The following L3MBTL4 variants were observed in gnomAD, a reference collection of about 807,000 sequenced individuals.
L3MBTL4 encodes the protein L3MBTL histone methyl-lysine binding protein 4, also known as lethal(3)malignant brain tumor-like protein 4.
Under a neutral mutation model 84.5 loss-of-function variants are expected in L3MBTL4, and 70 were observed. The ratio of observed to expected loss-of-function variants is 0.83; its 90% CI spans 0.68 to 1.01. The LOEUF (loss-of-function observed/expected upper bound fraction) is 1.01. Ranked by LOEUF, L3MBTL4 falls within the 50% of genes least tolerant of loss-of-function variation. The pLI is 0.00. For missense variants in L3MBTL4, 715 were observed against 754.8 expected, an observed-to-expected ratio of 0.95 and a Z score of 0.62; for synonymous variants, 274 against 259.8, an observed-to-expected ratio of 1.05 and a Z score of -0.52.
chr18:6,414,885 C>T lies in L3MBTL4; in HGVS notation c.-175G>A, dbSNP rs1391620990. On this transcript the variant is annotated 5_prime_UTR_variant, in exon 1 of 19. Coordinates refer to ENST00000317931, the MANE Select transcript of L3MBTL4 (RefSeq NM_001330559.2). This position sits in a 1 kb window ranked among gnomAD's most constrained non-coding sequence, Gnocchi z 5.4. The stretch of plus-strand genomic sequence containing the variant: ...GAGCGCGAGGTTCCGCCAGCCCAGG[C>T]TGCGGCGCCGCTGCCCCGCGGTGCC... The T allele has an allele frequency of 6.7e-6, 1 of 149,540 alleles. No individual in the cohort carries two copies. Among genetic ancestry groups the T allele is most frequent in the Non-Finnish European group, 1.5e-5 (1 of 67,110 alleles). The allele number at this position is 149,540 out of a possible 1,614,324, so 9.3% of individuals were successfully genotyped here. A position where few individuals can be genotyped will look rare whatever the true frequency, so the allele number is the denominator to read the frequency against.
chr18:6,248,695 C>A (rs2047792508), intron 5 of L3MBTL4, among the ~76,000 whole-genome samples: 2 of 152,192 alleles, frequency 1.3e-5, no homozygotes, highest in African/African-American at 4.8e-5. Flanking sequence ...GCATACTATA[C>A]ATGCTCTTTT....
intron 16 of L3MBTL4, 63 bp from the exon 17 acceptor site, chr18:5,969,625 C>T (rs2052536270): frequency 6.6e-7 from 1 of 1,516,576 alleles, no homozygotes; most frequent in Admixed American, 2.0e-5. Flanking sequence ...GCTGTGTCAG[C>T]CCCGCAGTCC....
chr18:6,213,583 T>G (rs2046203454), intron 11 of L3MBTL4, among the ~76,000 whole-genome samples: 1 of 152,158 alleles, frequency 6.6e-6, no homozygotes, highest in South Asian at 2.1e-4. Context: ...CAGCTAATTT[T>G]GTGTTATAAG....
rs536011731 is a variant in L3MBTL4 at position 6,145,372 on chromosome 18, A to G, written c.1097-7076T>C. On this transcript the variant is annotated intron_variant, in intron 13 of 18. Transcript: ENST00000317931. ...ACTCTCTTCTCAGAACTGTAATTTT[A>G]TTTGGTATACAGACGCCCATAGCAC... Among the ~76,000 whole-genome samples, 20 of 152,270 alleles carry G rather than the reference A, an allele frequency of 1.3e-4. No homozygotes were observed. In the South Asian group the frequency reaches 4.2e-3, roughly 32 times the overall value.
chr18:6,151,849 G>A (rs1451687515), intron 13 of L3MBTL4, among the ~76,000 whole-genome samples: 1 of 152,048 alleles, frequency 6.6e-6, no homozygotes, highest in African/African-American at 2.4e-5. Flanking sequence ...TGTTCATTTT[G>A]TAACTGCAAG....
intron 13 of L3MBTL4, among the ~76,000 whole-genome samples, chr18:6,140,688 C>T (rs934085741): frequency 6.6e-6 from 1 of 152,086 alleles, no homozygotes; most frequent in Non-Finnish European, 1.5e-5. Context: ...GATCTGTAAG[C>T]TATGAGGTAT....
chr18:5,980,651 C>T (rs1214168332), intron 16 of L3MBTL4, among the ~76,000 whole-genome samples: 2 of 151,966 alleles, frequency 1.3e-5, no homozygotes, highest in African/African-American at 2.4e-5. Flanking sequence ...AGGCTGGTCT[C>T]GAACTCCTGA....
At chr18:6,047,985 C>T (rs576076364) in intron 16 of L3MBTL4, among the ~76,000 whole-genome samples, 8 of 152,108 alleles carry the variant, frequency 5.3e-5, no homozygotes, top group African/African-American at 1.7e-4. Context: ...GCTGACAGTA[C>T]GATTCTACAC....
rs1306030953 is a variant in L3MBTL4 at position 6,030,747 on chromosome 18, T to C, written c.1444+50134A>G. The C allele has an allele frequency of 6.1e-6, 6 of 978,062 alleles. No homozygotes were observed. In the African/African-American group the frequency reaches 1.1e-4, roughly 17 times the overall value. The allele number at this position is 978,062 out of a possible 1,614,324, so 60.6% of individuals were successfully genotyped here. On this transcript the variant is annotated intron_variant, in intron 16 of 18. Transcript: ENST00000317931. ...ATCTCCATTTCTCTCTACTCCCTAT[T>C]TCGTTAATTTTCTAAGATTTTTCTG...
At chr18:6,115,422 G>A (rs1341816772) in intron 14 of L3MBTL4, among the ~76,000 whole-genome samples, 3 of 152,134 alleles carry the variant, frequency 2.0e-5, no homozygotes, top group Non-Finnish European at 4.4e-5. Context: ...TCACCATCGG[G>A]GTAAGAGAGG....
intron 9 of L3MBTL4, among the ~76,000 whole-genome samples, chr18:6,238,496 G>A (rs1283912180): frequency 6.6e-6 from 1 of 152,072 alleles, no homozygotes; most frequent in Admixed American, 6.5e-5. Context: ...TCGCGCCACT[G>A]CACTCCAGCC....
intron 1 of L3MBTL4, among the ~76,000 whole-genome samples, chr18:6,379,996 T>C (rs983756088): frequency 6.6e-6 from 1 of 152,098 alleles, no homozygotes; most frequent in African/African-American, 2.4e-5. Context: ...AATTTCAGAA[T>C]TTGTTATTGG....
rs943549954 is a variant in L3MBTL4 at position 5,969,639 on chromosome 18, G to A, written c.1445-77C>T. On this transcript the variant is annotated intron_variant, in intron 16 of 18. Transcript: ENST00000317931. ...TGCTGTGTCAGCCCCGCAGTCCGGAGGGCCCAAGTCAGGGGACGGAAAGTG... is the reference window on the plus strand; with the variant it reads ...TGCTGTGTCAGCCCCGCAGTCCGGAAGGCCCAAGTCAGGGGACGGAAAGTG... The A allele has an allele frequency of 2.0e-6, 3 of 1,465,548 alleles. No individual in the cohort carries two copies. In the African/African-American group the frequency reaches 4.2e-5, roughly 21 times the overall value. The allele number at this position is 1,465,548 out of a possible 1,614,324, so 90.8% of individuals were successfully genotyped here. A position where few individuals can be genotyped will look rare whatever the true frequency, so the allele number is the denominator to read the frequency against.
chr18:6,004,523 A>T (rs1244974807), intron 16 of L3MBTL4, among the ~76,000 whole-genome samples: 1 of 152,226 alleles, frequency 6.6e-6, no homozygotes, highest in Non-Finnish European at 1.5e-5. Context: ...ACTCATAGAA[A>T]GGCATTCAAA....
At chr18:5,989,406 T>TTA (rs1555624096) in intron 16 of L3MBTL4, among the ~76,000 whole-genome samples, 7 of 152,152 alleles carry the variant, frequency 4.6e-5, no homozygotes, top group African/African-American at 1.7e-4. Flanking sequence ...TTTTATTTTT[T>TTA]AAACCATATA....
intron 1 of L3MBTL4, among the ~76,000 whole-genome samples, chr18:6,407,061 C>T (rs1042389250): frequency 3.3e-5 from 5 of 152,230 alleles, no homozygotes; most frequent in Admixed American, 3.3e-4. Flanking sequence ...TCGCCCTTTA[C>T]TCCACAGTGA....
intron 14 of L3MBTL4, among the ~76,000 whole-genome samples, chr18:6,122,957 T>C (rs948226382): frequency 6.6e-6 from 1 of 152,246 alleles, no homozygotes; most frequent in Non-Finnish European, 1.5e-5. Context: ...GAATTCATTT[T>C]AACTAGGATA....
rs147016730 is a variant in L3MBTL4 at position 6,177,992 on chromosome 18, C to T, written c.982-6050G>A. ...GTGTCAAAGCACAAACAGGACAGGA[C>T]AAATACCCCAGCAAGGTCCTGCTTT... On this transcript the variant is annotated intron_variant, in intron 12 of 18. Coordinates refer to ENST00000317931, the MANE Select transcript of L3MBTL4 (RefSeq NM_001330559.2). Among the ~76,000 whole-genome samples, 599 of 152,184 alleles carry T rather than the reference C, an allele frequency of 3.9e-3. 2 individuals carry two copies. Among genetic ancestry groups the T allele is most frequent in the African/African-American group, 0.014 (563 of 41,532 alleles).
intron 16 of L3MBTL4, among the ~76,000 whole-genome samples, chr18:6,080,330 G>T (rs2058032662): frequency 6.6e-6 from 1 of 152,228 alleles, no homozygotes; most frequent in Non-Finnish European, 1.5e-5. Context: ...TGATTCCTTA[G>T]CTTGGTACAA....
Sources: allele counts gnomAD v4.1 joint callset (sites outside exome capture counted in the v4.1 genomes callset), GRCh38; gene constraint gnomAD v4.1.1; non-coding constraint Gnocchi (gnomAD v3.1); transcripts MANE v1.5; gene names NCBI Gene and HGNC (gene_info 2026-07-23, HGNC 2026-07-21).